Variants in DENND5B observed in about 807,000 individuals in gnomAD.
DENND5B encodes the protein DENN domain-containing protein 5B.
In DENND5B, 34 loss-of-function variants were observed where a neutral mutation model predicts 140.6. That is an observed-to-expected ratio of 0.24 (90% CI 0.18 to 0.32). The LOEUF is 0.32. DENND5B is among the 10% of genes least tolerant of loss of function. The pLI is 1.00. For missense variants in DENND5B, 1,142 were observed against 1,560.2 expected, an observed-to-expected ratio of 0.73 and a Z score of 4.52; for synonymous variants, 551 against 562.1, an observed-to-expected ratio of 0.98 and a Z score of 0.28.
chr12:31,590,666 C>G lies in DENND5B; in HGVS notation c.127+40G>C, dbSNP rs573509610. ...GCGCGTCCCCACAGCGTCCCCCGCG[C>G]CCCTGAGGGGGCTCAGCGCCGCCGC... On this transcript the variant is annotated intron_variant, in intron 1 of 20. Transcript: ENST00000389082. The G allele has an allele frequency of 6.3e-6, 9 of 1,435,666 alleles. No individual in the cohort carries two copies. In the East Asian group the frequency reaches 1.8e-4, roughly 29 times the overall value. 88.9% of individuals were successfully genotyped at this position (1,435,666 alleles called of 1,614,324 possible). A position where few individuals can be genotyped will look rare whatever the true frequency, so the allele number is the denominator to read the frequency against.
chr12:31,490,179 G>T (rs967842834), intron 2 of DENND5B, among the ~76,000 whole-genome samples: 6 of 151,626 alleles, frequency 4.0e-5, no homozygotes, highest in African/African-American at 1.5e-4. Flanking sequence ...ATTCAGTTTT[G>T]GATATGTTGC....
At chr12:31,430,311 C>A (rs1025444930) in intron 8 of DENND5B, among the ~76,000 whole-genome samples, 4 of 151,016 alleles carry the variant, frequency 2.6e-5, no homozygotes, top group Non-Finnish European at 5.9e-5. Context: ...GTGTAAGCCA[C>A]TGCGCCTGGC....
At chr12:31,402,451 A>G in intron 15 of DENND5B, 47 bp downstream of exon 15, 1 of 1,567,672 alleles carries the variant, frequency 6.4e-7, no homozygotes, top group Non-Finnish European at 8.6e-7. Flanking sequence ...TCATCTGTAA[A>G]ACTACACGTG....
At chr12:31,575,320 T>C (rs998987091) in intron 1 of DENND5B, among the ~76,000 whole-genome samples, 2 of 152,214 alleles carry the variant, frequency 1.3e-5, no homozygotes, top group African/African-American at 4.8e-5. Context: ...TTAAAGTTAG[T>C]ATGTCATTCT....
chr12:31,394,908 G>A (rs1008936946), intron 17 of DENND5B, among the ~76,000 whole-genome samples: 2 of 151,894 alleles, frequency 1.3e-5, no homozygotes, highest in Non-Finnish European at 2.9e-5. Context: ...CACCGTGCCC[G>A]GCCTATCCTG....
chr12:31,472,561 G>A (rs1191205552), intron 3 of DENND5B, among the ~76,000 whole-genome samples: 2 of 151,996 alleles, frequency 1.3e-5, no homozygotes, highest in East Asian at 1.9e-4. Flanking sequence ...CAAAGCATTG[G>A]GATTACAGAC....
chr12:31,557,923 C>T (rs1422212354), intron 1 of DENND5B, among the ~76,000 whole-genome samples: 2 of 151,602 alleles, frequency 1.3e-5, no homozygotes, highest in Admixed American at 6.6e-5. Context: ...TTCAGCCAGG[C>T]ATGGTAGTAG....
chr12:31,420,458 T>TG (rs2137665059), intron 11 of DENND5B, among the ~76,000 whole-genome samples: 1 of 151,934 alleles, frequency 6.6e-6, no homozygotes, highest in Admixed American at 6.6e-5. Flanking sequence ...TTTTTTTTTT[T>TG]TTTGAGACAG....
intron 5 of DENND5B, among the ~76,000 whole-genome samples, chr12:31,449,696 T>C (rs957636034): frequency 1.3e-5 from 2 of 150,864 alleles, no homozygotes; most frequent in Non-Finnish European, 2.9e-5. Flanking sequence ...GAATTTGAAT[T>C]GTCCCAAGGA....
chr12:31,468,860 T>A (rs910957939), intron 3 of DENND5B, among the ~76,000 whole-genome samples: 3 of 151,524 alleles, frequency 2.0e-5, no homozygotes, highest in Admixed American at 2.0e-4. Flanking sequence ...AAACTTCAGG[T>A]AAAAATAATT....
chr12:31,503,497 T>A (rs1389144917), intron 1 of DENND5B, among the ~76,000 whole-genome samples: 1 of 152,000 alleles, frequency 6.6e-6, no homozygotes, highest in Non-Finnish European at 1.5e-5. Flanking sequence ...GAGGTGGAGG[T>A]TGCAACGAGC....
chr12:31,548,302 T>C (rs1948928069), intron 1 of DENND5B, among the ~76,000 whole-genome samples: 1 of 151,512 alleles, frequency 6.6e-6, no homozygotes, highest in South Asian at 2.1e-4. Context: ...AGCTGAGGTA[T>C]AGGATCACCT....
intron 10 of DENND5B, 65 bp downstream of exon 10, chr12:31,424,470 C>T: frequency 6.7e-7 from 1 of 1,483,376 alleles, no homozygotes; most frequent in Non-Finnish European, 9.0e-7. Flanking sequence ...ATATTTGTCT[C>T]CTTGTTACAT....
rs895405059 is a variant in DENND5B at position 31,590,656 on chromosome 12, G to A, written c.127+50C>T. ...CCCGCCTCCCGCGCGTCCCCACAGCGTCCCCCGCGCCCCTGAGGGGGCTCA... is the reference window on the plus strand; with the variant it reads ...CCCGCCTCCCGCGCGTCCCCACAGCATCCCCCGCGCCCCTGAGGGGGCTCA... On this transcript the variant is annotated intron_variant, in intron 1 of 20. Coordinates refer to ENST00000389082, the MANE Select transcript of DENND5B (RefSeq NM_144973.4). 10 of 1,413,342 alleles carry A rather than the reference G, an allele frequency of 7.1e-6. No homozygotes were observed. In the African/African-American group the frequency reaches 1.2e-4, roughly 17 times the overall value. 87.6% of individuals were successfully genotyped at this position (1,413,342 alleles called of 1,614,324 possible).
chr12:31,464,286 A>G (rs1478768092), intron 3 of DENND5B, among the ~76,000 whole-genome samples: 1 of 151,960 alleles, frequency 6.6e-6, no homozygotes, highest in African/African-American at 2.4e-5. Flanking sequence ...CCCCTTGTAT[A>G]TTGTTTTCCT....
intron 3 of DENND5B, among the ~76,000 whole-genome samples, chr12:31,474,277 T>C (rs1289674787): frequency 1.3e-5 from 2 of 152,030 alleles, no homozygotes; most frequent in African/African-American, 4.8e-5. Context: ...ACTTCAATTA[T>C]TGGTATCAAA....
intron 5 of DENND5B, among the ~76,000 whole-genome samples, chr12:31,448,616 C>CT (rs1305722864): frequency 1.3e-5 from 2 of 152,200 alleles, no homozygotes; most frequent in African/African-American, 4.8e-5. Context: ...TTTCTAGACT[C>CT]TTTAACTCTG....
intron 1 of DENND5B, among the ~76,000 whole-genome samples, chr12:31,573,692 C>A (rs1949901860): frequency 6.6e-6 from 1 of 152,214 alleles, no homozygotes; most frequent in African/African-American, 2.4e-5. Flanking sequence ...TACAGAAGCT[C>A]TGGGGTCTAG....
chr12:31,413,261 C>T (rs920723315), intron 13 of DENND5B, among the ~76,000 whole-genome samples, 175 bp downstream of exon 13: 3 of 152,154 alleles, frequency 2.0e-5, no homozygotes, highest in Admixed American at 6.5e-5. Flanking sequence ...CCCCCCAAAA[C>T]GATCAAGTAT....
Sources: allele counts gnomAD v4.1 joint callset (sites outside exome capture counted in the v4.1 genomes callset), GRCh38; gene constraint gnomAD v4.1.1; transcripts MANE v1.5; gene names NCBI Gene and HGNC (gene_info 2026-07-23, HGNC 2026-07-21).